ABLIM1: variants seen among roughly 807,000 people sequenced by gnomAD.
ABLIM1 encodes actin binding LIM protein 1.
A neutral mutation model predicts 107.0 loss-of-function variants in ABLIM1; 40 were observed. That is an observed-to-expected ratio of 0.37 (90% confidence interval 0.29 to 0.49). ABLIM1 has a LOEUF of 0.49. Ranked by LOEUF, ABLIM1 falls within the 20% of genes least tolerant of loss-of-function variation. The pLI is 0.97. For missense variants in ABLIM1, 857 were observed against 1,008.5 expected, an observed-to-expected ratio of 0.85 and a Z score of 2.04; for synonymous variants, 357 against 357.3, an observed-to-expected ratio of 1.00 and a Z score of 0.01.
At chr10:114,483,076 G>A (rs534612964) in intron 8 of ABLIM1, among the ~76,000 whole-genome samples, 4 of 152,318 alleles carry the variant, frequency 2.6e-5, no homozygotes, top group African/African-American at 9.6e-5. Flanking sequence ...TGACTTCACC[G>A]TGTGTGGAAA....
At chr10:114,682,415 G>A (rs1359980490) in intron 1 of ABLIM1, among the ~76,000 whole-genome samples, 1 of 152,134 alleles carries the variant, frequency 6.6e-6, no homozygotes, top group African/African-American at 2.4e-5. Flanking sequence ...ACCAGCTACT[G>A]AGAATAATAA....
At chr10:114,600,924 C>T (rs2075919958) in intron 2 of ABLIM1, among the ~76,000 whole-genome samples, 1 of 152,140 alleles carries the variant, frequency 6.6e-6, no homozygotes, top group Non-Finnish European at 1.5e-5. Context: ...AGATGCCAAT[C>T]TTTGTAAACC....
At chr10:114,582,537 G>C (rs1266724030) in intron 2 of ABLIM1, among the ~76,000 whole-genome samples, 2 of 152,082 alleles carry the variant, frequency 1.3e-5, no homozygotes, top group Non-Finnish European at 2.9e-5. Context: ...AACCAAAAAA[G>C]AGCCTGAATA....
the ABLIM1 span, among the ~76,000 whole-genome samples, chr10:114,789,150 G>C: frequency 2.0e-5 from 3 of 151,484 alleles, no homozygotes; most frequent in African/African-American, 7.3e-5. Flanking sequence ...AGCTACTTGG[G>C]AGGCTGAGGC....
chr10:114,779,965 C>T, the ABLIM1 span: 3 of 151,554 alleles, frequency 2.0e-5, no homozygotes, highest in South Asian at 6.3e-4. Context: ...GAGGCTGTGG[C>T]TTTTATTGTT....
At chr10:114,747,805 C>G (rs2082416070) in intron 1 of ABLIM1, among the ~76,000 whole-genome samples, 1 of 152,168 alleles carries the variant, frequency 6.6e-6, no homozygotes, top group African/African-American at 2.4e-5. Flanking sequence ...TTTGGGAGGC[C>G]AAGGTGGGTG....
the ABLIM1 span, among the ~76,000 whole-genome samples, chr10:114,786,915 AC>A: frequency 6.6e-6 from 1 of 150,674 alleles, no homozygotes; most frequent in African/African-American, 2.5e-5. Context: ...CCCGGCGGCC[AC>A]CCCGTCTGGG....
Position 114,571,463 on chromosome 10 carries a change from T to G in ABLIM1, c.564-57A>C, listed in dbSNP as rs1224719663. The G allele has an allele frequency of 2.0e-6, 3 of 1,531,542 alleles. No individual in the cohort carries two copies. In the South Asian group the frequency reaches 3.4e-5, roughly 17 times the overall value. The allele number at this position is 1,531,542 out of a possible 1,614,324, so 94.9% of individuals were successfully genotyped here. ...ATTGCAGCAATTTCATTCCTTTTCC[T>G]TATTCCTTCTGCTTGCTGCCCTCCG... On this transcript the variant is annotated intron_variant, in intron 3 of 22. Transcript: ENST00000533213.
intron 1 of ABLIM1, among the ~76,000 whole-genome samples, chr10:114,732,819 A>G (rs1308675061): frequency 6.6e-6 from 1 of 152,250 alleles, no homozygotes; most frequent in Non-Finnish European, 1.5e-5. Context: ...TTACTTTAAT[A>G]CATGGAAATA....
At chr10:114,610,678 TAC>T (rs1170004884) in intron 1 of ABLIM1, 1 of 152,262 alleles carries the variant, frequency 6.6e-6, no homozygotes, top group African/African-American at 2.4e-5. Flanking sequence ...TGAAGCTACA[TAC>T]ACAGTTACCC....
chr10:114,450,682 T>C (rs536228828), intron 14 of ABLIM1, among the ~76,000 whole-genome samples: 7 of 152,184 alleles, frequency 4.6e-5, no homozygotes, highest in African/African-American at 1.7e-4. Context: ...CCTCAAATGA[T>C]CCACCTGCCT....
At chr10:114,533,152 C>T (rs2065626520) in intron 6 of ABLIM1, among the ~76,000 whole-genome samples, 1 of 152,048 alleles carries the variant, frequency 6.6e-6, no homozygotes, top group Non-Finnish European at 1.5e-5. Flanking sequence ...CCAGCCTGAC[C>T]AACATGGTGA....
At chr10:114,578,777 TTTC>T (rs1330115333) in intron 2 of ABLIM1, among the ~76,000 whole-genome samples, 1 of 104,638 alleles carries the variant, frequency 9.6e-6, no homozygotes, top group African/African-American at 3.4e-5. Context: ...TCTTTCTTTC[TTTC>T]TTTTCTTTTT....
intron 1 of ABLIM1, among the ~76,000 whole-genome samples, chr10:114,612,719 G>A (rs1008776480): frequency 4.6e-5 from 7 of 152,152 alleles, no homozygotes; most frequent in African/African-American, 1.4e-4. Context: ...AAACTCTGCC[G>A]GCAGAACATC....
intron 1 of ABLIM1, among the ~76,000 whole-genome samples, chr10:114,703,321 T>C (rs217194): frequency 0.67 from 102,268 of 152,040 alleles, 34,417 homozygotes; most frequent in South Asian, 0.7. Context: ...ATTACTAGTC[T>C]GAATGCATCA....
At chr10:114,523,132 CA>C (rs1333692237) in intron 6 of ABLIM1, among the ~76,000 whole-genome samples, 1 of 152,110 alleles carries the variant, frequency 6.6e-6, no homozygotes, top group Non-Finnish European at 1.5e-5. Flanking sequence ...GCCTGGGTGA[CA>C]GAGCAAGACT....
chr10:114,644,304 A>AAT (rs1555214822), intron 1 of ABLIM1, among the ~76,000 whole-genome samples: 3 of 57,088 alleles, frequency 5.3e-5, no homozygotes, highest in Admixed American at 3.8e-4. Context: ...AAAAAAAAAA[A>AAT]AAATATATAT....
chr10:114,691,766 T>C (rs1035319344), intron 1 of ABLIM1, among the ~76,000 whole-genome samples: 1 of 152,208 alleles, frequency 6.6e-6, no homozygotes, highest in Non-Finnish European at 1.5e-5. Flanking sequence ...TTCATTACCA[T>C]TTTCATTTGG....
chr10:114,616,060 C>T (rs1016501392), intron 1 of ABLIM1, among the ~76,000 whole-genome samples: 4 of 151,996 alleles, frequency 2.6e-5, no homozygotes, highest in Non-Finnish European at 5.9e-5. Context: ...TAAGTGTGGG[C>T]GGTGGCTCAC....
Sources: gnomAD v4.1 joint callset for allele counts (sites outside exome capture counted in the v4.1 genomes callset) on GRCh38, gnomAD v4.1.1 for gene constraint, MANE v1.5 for transcripts, NCBI Gene and HGNC (gene_info 2026-07-23, HGNC 2026-07-21) for gene names.